Variants in TMTC1 observed in about 807,000 individuals in gnomAD.
The protein encoded by TMTC1 is transmembrane O-mannosyltransferase targeting cadherins 1, also known as protein O-mannosyl-transferase TMTC1.
In TMTC1, 73 loss-of-function variants were observed where a neutral mutation model predicts 104.8. The ratio of observed to expected loss-of-function variants is 0.70; its 90% CI spans 0.58 to 0.85. The LOEUF (loss-of-function observed/expected upper bound fraction) is 0.85. Among genes scored for constraint, TMTC1 ranks in the 40% least tolerant of loss-of-function variants. TMTC1 has a pLI of 0.00. For synonymous variants in TMTC1, 434 were observed against 428.7 expected (o/e 1.01, Z -0.15); for missense variants, 1,035 against 1,096.1 (o/e 0.94, Z 0.79).
At chr12:29,524,851 T>C (rs1944290430) in intron 11 of TMTC1, among the ~76,000 whole-genome samples, 1 of 152,218 alleles carries the variant, frequency 6.6e-6, no homozygotes, top group Admixed American at 6.5e-5. Flanking sequence ...ACAAATAAAG[T>C]TATACCTCAT....
At position 29,600,987 on chromosome 12, in the gene TMTC1, T is replaced by G. The variant is rs187916129; in HGVS notation, c.1250+3191A>C. Among the ~76,000 whole-genome samples the G allele has an allele frequency of 2.6e-5, 4 of 152,364 alleles. No individual in the cohort carries two copies. The East Asian group carries it at 7.7e-4, about 29-fold the overall frequency. The stretch of plus-strand genomic sequence containing the variant: ...ACTGAAATTGATTTTGGGTGCCTCT[T>G]TACCGAATTTGGCAAATGAAGCAAA... On this transcript the variant is annotated intron_variant, in intron 7 of 17. Transcript: ENST00000539277.
chr12:29,704,930 A>G (rs1278200837), intron 5 of TMTC1, among the ~76,000 whole-genome samples: 1 of 152,150 alleles, frequency 6.6e-6, no homozygotes, highest in African/African-American at 2.4e-5. Flanking sequence ...GAATAATAAG[A>G]AAACTTAAAA....
chr12:29,686,376 C>G lies in TMTC1; in HGVS notation c.939-53040G>C, dbSNP rs79053663. ...ATTTTAACTGTCACATACTACATGC[C>G]AGTGCACCCAAAGGATAGTGTGCTG... On this transcript the variant is annotated intron_variant, in intron 5 of 17. Transcript: ENST00000539277. 3.2e-3 allele frequency among the ~76,000 whole-genome samples: 489 copies of G among 152,290 alleles called. 1 individual carries two copies. Among genetic ancestry groups the G allele is most frequent in the African/African-American group, 0.011 (474 of 41,556 alleles).
intron 5 of TMTC1, among the ~76,000 whole-genome samples, chr12:29,652,538 A>T (rs1051001031): frequency 3.3e-5 from 5 of 152,218 alleles, no homozygotes; most frequent in African/African-American, 1.2e-4. Context: ...CAAAAAGGCA[A>T]AGGTAGTGTA....
Position 29,726,097 on chromosome 12 carries a change from G to A in TMTC1, c.938+25569C>T, listed in dbSNP as rs569659536. 5.6e-4 allele frequency among the ~76,000 whole-genome samples: 86 copies of A among 152,282 alleles called. 1 individual carries two copies. Among genetic ancestry groups the A allele is most frequent in the Admixed American group, 4.4e-3 (67 of 15,290 alleles). On this transcript the variant is annotated intron_variant, in intron 5 of 17. Coordinates refer to ENST00000539277, the MANE Select transcript of TMTC1 (RefSeq NM_001193451.2). ...TGAGCAGAATTTAAAAACATACACC[G>A]TGTTCTGGTTCATCTAGCATTGCTC...
chr12:29,536,161 A>T, intron 11 of TMTC1, 48 bp downstream of exon 11: 2 of 1,192,170 alleles, frequency 1.7e-6, no homozygotes, highest in South Asian at 2.5e-5. Flanking sequence ...ACATTAATTT[A>T]TACATGTAAC....
intron 17 of TMTC1, among the ~76,000 whole-genome samples, chr12:29,509,510 T>C (rs1172085174): frequency 1.3e-5 from 2 of 152,158 alleles, no homozygotes; most frequent in Non-Finnish European, 2.9e-5. Flanking sequence ...TGGGTAACAA[T>C]GCCCGATGCA....
intron 8 of TMTC1, among the ~76,000 whole-genome samples, chr12:29,577,639 G>C (rs1455064316): frequency 9.2e-5 from 14 of 152,022 alleles, no homozygotes; most frequent in Admixed American, 7.9e-4. Context: ...GAGGATCAGT[G>C]GTCCAGTCAT....
intron 11 of TMTC1, among the ~76,000 whole-genome samples, chr12:29,531,565 A>C (rs1238444226): frequency 6.6e-6 from 1 of 152,190 alleles, no homozygotes; most frequent in Non-Finnish European, 1.5e-5. Context: ...AAGCTATATA[A>C]TCCATGCAAG....
At chr12:29,619,275 T>A (rs966614403) in intron 6 of TMTC1, among the ~76,000 whole-genome samples, 1 of 152,166 alleles carries the variant, frequency 6.6e-6, no homozygotes, top group African/African-American at 2.4e-5. Flanking sequence ...AAAAGACAAA[T>A]GATTTAGCGA....
intron 11 of TMTC1, chr12:29,535,344 G>T (rs1036405180): frequency 2.0e-5 from 3 of 152,216 alleles, no homozygotes; most frequent in Admixed American, 2.0e-4. Context: ...CCTACAGGGA[G>T]AAAGGGCAAA....
chr12:29,563,435 G>A (rs1427233442), intron 9 of TMTC1, among the ~76,000 whole-genome samples: 2 of 152,132 alleles, frequency 1.3e-5, no homozygotes, highest in African/African-American at 2.4e-5. Flanking sequence ...GGAAAAGGAT[G>A]TTCATATTCC....
chr12:29,744,518 G>T (rs302325), intron 5 of TMTC1, among the ~76,000 whole-genome samples: 152,262 of 152,368 alleles, frequency 1, 76,078 homozygotes, highest in Middle Eastern at 1. Context: ...CAATAAGCAC[G>T]TTGTTGAAAT....
At chr12:29,749,051 C>A (rs902409683) in intron 5 of TMTC1, among the ~76,000 whole-genome samples, 1 of 152,118 alleles carries the variant, frequency 6.6e-6, no homozygotes, top group Non-Finnish European at 1.5e-5. Flanking sequence ...AAGTCACACT[C>A]GTAGCTTGCA....
At chr12:29,571,161 G>A (rs552284414) in intron 9 of TMTC1, among the ~76,000 whole-genome samples, 1 of 152,226 alleles carries the variant, frequency 6.6e-6, no homozygotes, top group African/African-American at 2.4e-5. Flanking sequence ...CCAATCTGTG[G>A]AGGCATAAAA....
At chr12:29,553,370 A>G (rs563823982) in intron 10 of TMTC1, among the ~76,000 whole-genome samples, 2 of 152,242 alleles carry the variant, frequency 1.3e-5, no homozygotes, top group Non-Finnish European at 2.9e-5. Flanking sequence ...TGTAAACTGG[A>G]AAGCTTTTCA....
At chr12:29,541,322 A>C (rs1944790682) in intron 10 of TMTC1, among the ~76,000 whole-genome samples, 1 of 152,142 alleles carries the variant, frequency 6.6e-6, no homozygotes, top group Non-Finnish European at 1.5e-5. Context: ...AAAAGCACAG[A>C]CTTAAAAACC....
chr12:29,554,340 C>T (rs1945182442), intron 10 of TMTC1, among the ~76,000 whole-genome samples: 3 of 151,012 alleles, frequency 2.0e-5, no homozygotes, highest in Admixed American at 2.0e-4. Context: ...TCTTCATTAT[C>T]AGTTGTTTTT....
chr12:29,633,701 A>T (rs918721272), intron 5 of TMTC1, among the ~76,000 whole-genome samples: 2 of 152,224 alleles, frequency 1.3e-5, no homozygotes, highest in Non-Finnish European at 2.9e-5. Flanking sequence ...AGAATTCTGC[A>T]GTAGATTTGA....
Sources: gnomAD v4.1 joint callset for allele counts (sites outside exome capture counted in the v4.1 genomes callset) on GRCh38, gnomAD v4.1.1 for gene constraint, MANE v1.5 for transcripts, NCBI Gene and HGNC (gene_info 2026-07-23, HGNC 2026-07-21) for gene names.